The following SPEG variants were observed in gnomAD, a reference collection of about 807,000 sequenced individuals.
The protein encoded by SPEG is striated muscle preferentially expressed protein kinase.
SPEG carries 114 observed loss-of-function variants against 300.4 expected under a neutral mutation model. That is an observed-to-expected ratio of 0.38 (90% CI 0.33 to 0.44). SPEG has a LOEUF of 0.44. SPEG is among the 20% of genes least tolerant of loss of function. The pLI, the probability that SPEG is intolerant of heterozygous loss-of-function variation, is 1.00. For synonymous variants in SPEG, 1,964 were observed against 2,018.9 expected (o/e 0.97, Z 0.73); for missense variants, 4,201 against 4,586.2 (o/e 0.92, Z 2.43).
chr2:219,479,313 G>A lies in SPEG; in HGVS notation c.5085+112G>A. ...GCCATCTGTGCCCACAGGAAGCCAG[G>A]GGTGGAGGTGGAGAGCACTGTTAGG... is the stretch of plus-strand genomic sequence containing the variant. On this transcript the variant is annotated intron_variant, in intron 23 of 40. Coordinates refer to ENST00000312358, the MANE Select transcript of SPEG (RefSeq NM_005876.5). This position sits in a 1 kb window ranked among gnomAD's most constrained non-coding sequence, Gnocchi z 5.5. The A allele has an allele frequency of 1.2e-6, 1 of 856,922 alleles. No individual in the cohort carries two copies. Among genetic ancestry groups the A allele is most frequent in the Non-Finnish European group, 1.9e-6 (1 of 524,614 alleles). 53.1% of individuals were successfully genotyped at this position (856,922 alleles called of 1,614,324 possible).
chr2:219,467,038 G>A, intron 9 of SPEG, 136 bp from the exon 10 acceptor site: 3 of 1,238,772 alleles, frequency 2.4e-6, no homozygotes, highest in South Asian at 1.6e-5. Flanking sequence ...AGGTGGGTGG[G>A]CTTTCCCCAT....
chr2:219,474,881 C>T (rs180686633), intron 18 of SPEG, among the ~76,000 whole-genome samples: 77 of 150,188 alleles, frequency 5.1e-4, no homozygotes, highest in African/African-American at 1.8e-3. Flanking sequence ...CTCCCAGGTT[C>T]GAGTGATTCT....
chr2:219,484,770 G>A lies in SPEG; in HGVS notation c.7307G>A (p.Gly2436Glu). 6.8e-7 allele frequency: 1 copy of A among 1,466,522 alleles called. No individual in the cohort carries two copies. The allele number at this position is 1,466,522 out of a possible 1,614,324, so 90.8% of individuals were successfully genotyped here. ...HPAWEARGGD[G>E]ESSEGGSSAR... is the part of the protein sequence containing the mutation. ...GCCTGGGAGGCCCGCGGCGGGGACGGAGAGAGCTCGGAGGGCGGGAGCTCG... is the reference window on the plus strand; with the variant it reads ...GCCTGGGAGGCCCGCGGCGGGGACGAAGAGAGCTCGGAGGGCGGGAGCTCG... Residue 2436 changes from glycine (G) to glutamate (E), a missense_variant, in exon 30 of 41, where the codon GGA becomes GAA. Physicochemically the swap from Gly to Glu is moderately conservative, Grantham distance 98 (BLOSUM62 -2). Around this residue, in one of 4 missense-constraint regions of SPEG, gnomAD observed 1,578 missense variants for 1,506.0 expected, o/e 1.05. Coordinates refer to ENST00000312358, the MANE Select transcript of SPEG (RefSeq NM_005876.5).
chr2:219,480,941 C>G lies in SPEG; in HGVS notation c.5369+244C>G, dbSNP rs1294956454. On this transcript the variant is annotated intron_variant, in intron 26 of 40. Transcript: ENST00000312358. The surrounding 1 kb of genome is among the most constrained non-coding windows in gnomAD (Gnocchi z 5.3). ...CAGCGCAGGCTCAGGGCCATGGAGG[C>G]AGGGAACTCCTTGGCTCTGAGTGTC... is the stretch of plus-strand genomic sequence containing the variant. 6.6e-6 allele frequency among the ~76,000 whole-genome samples: 1 copy of G among 152,050 alleles called. No individual in the cohort carries two copies. The highest frequency in any genetic ancestry group is 2.4e-5 in the African/African-American group (1 of 41,392).
chr2:219,440,158 GA>G (rs2125208844), intron 1 of SPEG, among the ~76,000 whole-genome samples: 1 of 152,328 alleles, frequency 6.6e-6, no homozygotes, highest in South Asian at 2.1e-4. Context: ...CGAGGCAGGA[GA>G]ATAGCTTGAG....
intron 22 of SPEG, among the ~76,000 whole-genome samples, chr2:219,478,396 C>T (rs957671804): frequency 2.0e-5 from 3 of 151,998 alleles, no homozygotes; most frequent in Non-Finnish European, 4.4e-5. Flanking sequence ...TTGTATTATC[C>T]CCATTTTACA....
At chr2:219,440,863 T>G (rs1487319476) in intron 1 of SPEG, among the ~76,000 whole-genome samples, 1 of 152,234 alleles carries the variant, frequency 6.6e-6, no homozygotes, top group African/African-American at 2.4e-5. Context: ...ACGCAATAAC[T>G]GTTAATAGTT....
At position 219,471,852 on chromosome 2, in the gene SPEG, G is replaced by A; in HGVS notation, c.3716-16G>A. 6.2e-7 allele frequency: 1 copy of A among 1,613,814 alleles called. No individual in the cohort carries two copies. ...CTCCGGGCTCAGGCCCAGTGTCACT[G>A]TCCCTCCCCTCCCAGACAGGGATGT... is the stretch of plus-strand genomic sequence containing the variant. On this transcript the variant is annotated splice_polypyrimidine_tract_variant and intron_variant, in intron 13 of 40. Coordinates refer to ENST00000312358, the MANE Select transcript of SPEG (RefSeq NM_005876.5).
In SPEG at chr2:219,468,476, C is replaced by CCAGGCTCCAGCTTCCTGCT. The variant is rs1691579378; in HGVS notation, c.3143-98_3143-80dup. ...ACCCAGAGCCTTTGCTGGGCTCTGC[C>CCAGGCTCCAGCTTCCTGCT]CAGGCTCCAGCTTCCTGCTCAGCCT... On this transcript the variant is annotated intron_variant, in intron 10 of 40. Transcript: ENST00000312358. 2.2e-6 allele frequency: 3 copies of CCAGGCTCCAGCTTCCTGCT among 1,365,484 alleles called. No individual in the cohort carries two copies. In the South Asian group the frequency reaches 4.1e-5, roughly 19 times the overall value. The allele number at this position is 1,365,484 out of a possible 1,614,324, so 84.6% of individuals were successfully genotyped here. A position where few individuals can be genotyped will look rare whatever the true frequency, so the allele number is the denominator to read the frequency against.
At chr2:219,460,761 C>T in intron 6 of SPEG, 1 of 985,994 alleles carries the variant, frequency 1.0e-6, no homozygotes, top group Non-Finnish European at 1.2e-6. Flanking sequence ...TGCCGGCCTG[C>T]CATCCAACCT....
chr2:219,475,593 G>C (rs1692264290), intron 18 of SPEG, among the ~76,000 whole-genome samples: 1 of 152,164 alleles, frequency 6.6e-6, no homozygotes, highest in Non-Finnish European at 1.5e-5. Context: ...CCTGTCCCTA[G>C]CACTCTCCAC....
In SPEG at chr2:219,472,253, G is replaced by T; in HGVS notation, c.3862G>T (p.Ala1288Ser). 1 of 1,613,860 alleles carries T rather than the reference G, an allele frequency of 6.2e-7. No individual in the cohort carries two copies. The highest frequency in any genetic ancestry group is 1.1e-5 in the South Asian group (1 of 91,088). ...TDVVPGPPDG[A>S]PQVVAVTGRM... ...TGTGGTCCCAGGCCCTCCAGATGGC[G>T]CCCCGCAGGTGGTGGCTGTGACGGG... Residue 1288 changes from alanine (A) to serine (S), a missense_variant, in exon 15 of 41, where the codon GCC (alanine) becomes TCC (serine). By Grantham distance (99) the Ala-to-Ser change is moderately conservative (BLOSUM62 1). Transcript: ENST00000312358.
At chr2:219,488,964 G>T in intron 34 of SPEG, 64 bp downstream of exon 34, 1 of 1,602,036 alleles carries the variant, frequency 6.2e-7, no homozygotes, top group Admixed American at 1.7e-5. Context: ...GTCTGGTAAG[G>T]CCAGTGCCCT....
chr2:219,462,521 G>T, intron 8 of SPEG, 135 bp downstream of exon 8: 1 of 692,378 alleles, frequency 1.4e-6, no homozygotes, highest in Non-Finnish European at 2.5e-6. Flanking sequence ...TCATCTCAGG[G>T]ACAGCAGTGT....
rs911881046 is a variant in SPEG at position 219,466,564 on chromosome 2, G to A, written c.2882-610G>A. On this transcript the variant is annotated intron_variant, in intron 9 of 40. Transcript: ENST00000312358. ...CAAAGGCCTTACCAGGAAGGGTTAGGACACTGACCATTCTAGAAATGGGTT... is the reference window on the plus strand; with the variant it reads ...CAAAGGCCTTACCAGGAAGGGTTAGAACACTGACCATTCTAGAAATGGGTT... 1.4e-5 allele frequency: 15 copies of A among 1,035,396 alleles called. No homozygotes were observed. In the African/African-American group the frequency reaches 1.5e-4, roughly 10 times the overall value. 64.1% of individuals were successfully genotyped at this position (1,035,396 alleles called of 1,614,324 possible). A position where few individuals can be genotyped will look rare whatever the true frequency, so the allele number is the denominator to read the frequency against.
intron 10 of SPEG, 130 bp downstream of exon 10, chr2:219,467,564 T>C (rs1691487705): frequency 9.4e-7 from 1 of 1,064,924 alleles, no homozygotes; most frequent in Non-Finnish European, 1.3e-6. Flanking sequence ...GGGTGGGAGC[T>C]AGTACATTGC....
chr2:219,476,940 G>A lies in SPEG; in HGVS notation c.4518G>A (p.Val1506=), dbSNP rs746094119. The change falls in exon 19 of 41, where the codon GTG becomes GTA. Residue 1506 remains valine, a synonymous_variant. Transcript: ENST00000312358. The part of the protein sequence containing the change: ...VGAGETARFA[V]VVEGKPLPDI... ...CTGGGGAAACTGCTCGCTTTGCGGT[G>A]GTGGTCGAGGGAAAACCACTGCCGG... 1.1e-5 allele frequency: 18 copies of A among 1,612,970 alleles called. 1 individual carries two copies. Among genetic ancestry groups the A allele is most frequent in the Middle Eastern group, 1.7e-4 (1 of 6,058 alleles).
chr2:219,448,707 C>T lies in SPEG; in HGVS notation c.1549C>T (p.Leu517=), dbSNP rs987204395. ...GGAGCTGGTGCGCTCGCACGAGTCC[C>T]TGCGCGCCACGCTGCAGCGTGCCCC... ...REELVRSHES[L]RATLQRAPSP... Residue 517 remains leucine (L), a synonymous_variant, in exon 4 of 41, where the codon CTG becomes TTG. Coordinates refer to ENST00000312358, the MANE Select transcript of SPEG (RefSeq NM_005876.5). 33 of 1,493,434 alleles carry T rather than the reference C, an allele frequency of 2.2e-5. No homozygotes were observed. Among genetic ancestry groups the T allele is most frequent in the African/African-American group, 2.2e-4 (15 of 68,480 alleles). 92.5% of individuals were successfully genotyped at this position (1,493,434 alleles called of 1,614,324 possible). A position where few individuals can be genotyped will look rare whatever the true frequency, so the allele number is the denominator to read the frequency against.
At chr2:219,469,636 C>A (rs992340477) in intron 13 of SPEG, among the ~76,000 whole-genome samples, 3 of 152,234 alleles carry the variant, frequency 2.0e-5, no homozygotes, top group African/African-American at 7.2e-5. Flanking sequence ...TACTAACCCG[C>A]ATCGGGCCCA....
Sources: gnomAD v4.1 joint callset for allele counts (sites outside exome capture counted in the v4.1 genomes callset) on GRCh38, gnomAD v4.1.1 for gene constraint, gnomAD v4.1.1 regional missense constraint, Gnocchi (gnomAD v3.1) non-coding constraint, MANE v1.5 for transcripts, NCBI Gene and HGNC (gene_info 2026-07-23, HGNC 2026-07-21) for gene names.